Variants in CSMD1 observed in about 807,000 individuals in gnomAD.
The protein encoded by CSMD1 is CUB and sushi domain-containing protein 1.
A neutral mutation model predicts 417.5 loss-of-function variants in CSMD1; 213 were observed. The observed-to-expected ratio is 0.51, with a 90% CI of 0.46 to 0.57. The LOEUF (loss-of-function observed/expected upper bound fraction) is 0.57, where lower values mean the gene tolerates loss of function less well. CSMD1 is among the 20% of genes least tolerant of loss of function. The pLI is 0.00. For synonymous variants in CSMD1, 2,862 were observed against 1,736.8 expected (o/e 1.65, Z -16.11); for missense variants, 6,923 against 4,529.7 (o/e 1.53, Z -15.17).
intron 1 of CSMD1, among the ~76,000 whole-genome samples, chr8:4,858,070 T>C (rs946152751): frequency 2.0e-5 from 3 of 151,956 alleles, no homozygotes; most frequent in Admixed American, 6.6e-5. Context: ...TCCACCATGA[T>C]CAAGTGGGCT....
chr8:3,566,457 C>T (rs1463592956), intron 10 of CSMD1, among the ~76,000 whole-genome samples: 8 of 152,136 alleles, frequency 5.3e-5, no homozygotes, highest in Non-Finnish European at 1.2e-4. Context: ...CACCGTACCG[C>T]TCCTCCTGCA....
Position 4,879,244 on chromosome 8 carries a change from G to C in CSMD1, c.85+115088C>G, listed in dbSNP as rs866861400. Among the ~76,000 whole-genome samples, 184 of 151,996 alleles carry C rather than the reference G, an allele frequency of 1.2e-3. 1 individual carries two copies. Among genetic ancestry groups the C allele is most frequent in the African/African-American group, 4.4e-3 (181 of 41,440 alleles). On this transcript the variant is annotated intron_variant, in intron 1 of 69. Coordinates refer to ENST00000635120, the MANE Select transcript of CSMD1 (RefSeq NM_033225.6). The stretch of plus-strand genomic sequence containing the variant: ...TGAACAGGGACAAGGACATCAACTC[G>C]AGGAAAGGTTGCGGAAATGGAATAG...
intron 3 of CSMD1, among the ~76,000 whole-genome samples, chr8:4,160,876 A>C (rs1797118473): frequency 6.6e-6 from 1 of 152,236 alleles, no homozygotes. Context: ...AATTCTAAAA[A>C]GGACATACTG....
intron 3 of CSMD1, among the ~76,000 whole-genome samples, chr8:4,276,101 C>T (rs1002613200): frequency 6.6e-6 from 1 of 152,082 alleles, no homozygotes; most frequent in Non-Finnish European, 1.5e-5. Context: ...TACCATTTGA[C>T]CCAGCAATCC....
rs199698448 is a variant in CSMD1 at position 3,091,579 on chromosome 8, A to T, written c.7222T>A (p.Leu2408Ile). 96 of 1,611,348 alleles carry T rather than the reference A, an allele frequency of 6.0e-5. No homozygotes were observed. Among genetic ancestry groups the T allele is most frequent in the Non-Finnish European group, 7.7e-5 (91 of 1,179,344 alleles). Residue 2408 changes from leucine to isoleucine, a missense_variant, in exon 48 of 70, where the codon TTA becomes ATA. Physicochemically the swap from Leu to Ile is conservative, Grantham distance 5. Coordinates refer to ENST00000635120, the MANE Select transcript of CSMD1 (RefSeq NM_033225.6). ...QSNFTSRSNQ[L>I]YLRWSTDHAT... is the part of the protein sequence containing the mutation. ...TGGTCAGTGGACCAGCGGAGATATA[A>T]CTGATTACTCCTGCTTGTAAAATTT...
chr8:4,816,343 C>T (rs941670717), intron 1 of CSMD1, among the ~76,000 whole-genome samples: 1 of 152,020 alleles, frequency 6.6e-6, no homozygotes, highest in Non-Finnish European at 1.5e-5. Context: ...CATCACCACA[C>T]CTGGGTAATT....
At chr8:4,208,681 G>T (rs1402120006) in intron 3 of CSMD1, among the ~76,000 whole-genome samples, 1 of 152,124 alleles carries the variant, frequency 6.6e-6, no homozygotes, top group Admixed American at 6.5e-5. Context: ...AAAACATCAT[G>T]ATGAGTCAAG....
chr8:3,734,294 GC>G (rs924745916), intron 6 of CSMD1, among the ~76,000 whole-genome samples: 5 of 152,254 alleles, frequency 3.3e-5, no homozygotes, highest in African/African-American at 1.2e-4. Flanking sequence ...GTGCTTCCAG[GC>G]GGGGTCTGCT....
intron 3 of CSMD1, among the ~76,000 whole-genome samples, chr8:4,119,372 G>C (rs1293437784): frequency 6.6e-6 from 1 of 152,192 alleles, no homozygotes; most frequent in Admixed American, 6.5e-5. Context: ...ATTTTTTAAA[G>C]AGGTTGATCT....
intron 2 of CSMD1, among the ~76,000 whole-genome samples, chr8:4,540,982 C>A (rs981551911): frequency 3.9e-5 from 6 of 152,178 alleles, no homozygotes; most frequent in African/African-American, 1.4e-4. Context: ...GGTAAAGGGT[C>A]TGAAACATGA....
intron 6 of CSMD1, among the ~76,000 whole-genome samples, chr8:3,749,687 C>T (rs997030256): frequency 3.3e-5 from 5 of 152,284 alleles, no homozygotes; most frequent in Non-Finnish European, 7.4e-5. Flanking sequence ...AGAAAGAGAC[C>T]ACCAGTGGGC....
intron 11 of CSMD1, among the ~76,000 whole-genome samples, chr8:3,488,852 G>C (rs1425088736): frequency 2.6e-5 from 4 of 152,148 alleles, no homozygotes; most frequent in African/African-American, 7.2e-5. Flanking sequence ...AAAAATAATT[G>C]GGATCATGTG....
chr8:4,107,295 C>G (rs754920848), intron 3 of CSMD1, among the ~76,000 whole-genome samples: 38 of 152,286 alleles, frequency 2.5e-4, no homozygotes, highest in Non-Finnish European at 5.0e-4. Flanking sequence ...GCTGCACTGC[C>G]TCATTTAGAA....
chr8:3,569,372 G>A (rs887740224), intron 10 of CSMD1, among the ~76,000 whole-genome samples: 1 of 152,158 alleles, frequency 6.6e-6, no homozygotes, highest in African/African-American at 2.4e-5. Context: ...AACTGACCAT[G>A]GCAGCACTTG....
At chr8:4,229,101 G>T (rs890034859) in intron 3 of CSMD1, among the ~76,000 whole-genome samples, 1 of 152,190 alleles carries the variant, frequency 6.6e-6, no homozygotes, top group African/African-American at 2.4e-5. Flanking sequence ...TCCCAAGTGT[G>T]CTTTTCCACA....
intron 1 of CSMD1, among the ~76,000 whole-genome samples, chr8:4,749,880 T>G (rs1328304040): frequency 6.6e-6 from 1 of 152,084 alleles, no homozygotes; most frequent in African/African-American, 2.4e-5. Flanking sequence ...AAATGCAACT[T>G]CAAAATCCCG....
chr8:3,305,743 G>A (rs186674125), intron 25 of CSMD1, among the ~76,000 whole-genome samples: 31 of 152,200 alleles, frequency 2.0e-4, no homozygotes, highest in African/African-American at 4.8e-4. Flanking sequence ...ACAGTGGCAC[G>A]ATCTCAGCTC....
At chr8:3,031,242 C>T (rs899637333) in intron 50 of CSMD1, among the ~76,000 whole-genome samples, 4 of 143,508 alleles carry the variant, frequency 2.8e-5, no homozygotes, top group African/African-American at 5.2e-5. Flanking sequence ...CATGTTCTCA[C>T]TCATAGGTGG....
At chr8:4,779,719 C>A (rs1185817934) in intron 1 of CSMD1, among the ~76,000 whole-genome samples, 1 of 152,064 alleles carries the variant, frequency 6.6e-6, no homozygotes. Flanking sequence ...ATGTATAAAA[C>A]CAAAGGAAAG....
Sources: allele counts gnomAD v4.1 joint callset (sites outside exome capture counted in the v4.1 genomes callset), GRCh38; gene constraint gnomAD v4.1.1; transcripts MANE v1.5; gene names NCBI Gene and HGNC (gene_info 2026-07-23, HGNC 2026-07-21).